Variants in SHCBP1 observed in about 807,000 individuals in gnomAD.
SHCBP1 encodes SHC binding and spindle associated 1, also known as SHC SH2 domain-binding protein 1.
Under a neutral mutation model 75.1 loss-of-function variants are expected in SHCBP1, and 60 were observed. The observed-to-expected ratio is 0.80, with a 90% CI of 0.65 to 0.99. SHCBP1 has a LOEUF of 0.99. SHCBP1 is among the 50% of genes least tolerant of loss of function. SHCBP1 has a pLI of 0.00. For missense variants in SHCBP1, 709 were observed against 809.4 expected (o/e 0.88, Z 1.50); for synonymous variants, 290 against 293.2 (o/e 0.99, Z 0.11).
chr16:46,591,265 AT>A (rs1248386257), intron 10 of SHCBP1, among the ~76,000 whole-genome samples: 4 of 152,222 alleles, frequency 2.6e-5, no homozygotes, highest in African/African-American at 9.7e-5. Context: ...ATGTATACAT[AT>A]GTAACAAACC....
At chr16:46,621,111 T>C (rs1965582273) in intron 1 of SHCBP1, 146 bp downstream of exon 1, 1 of 660,250 alleles carries the variant, frequency 1.5e-6, no homozygotes, top group Non-Finnish European at 2.4e-6. Flanking sequence ...TGAGGTCCCG[T>C]CACTGGGTCC....
At chr16:46,585,039 G>A (rs1344041187) in intron 10 of SHCBP1, among the ~76,000 whole-genome samples, 1 of 152,092 alleles carries the variant, frequency 6.6e-6, no homozygotes, top group Non-Finnish European at 1.5e-5. Context: ...TGTGCTAATT[G>A]TGTCTTCTAA....
At chr16:46,609,318 T>C (rs866333653) in intron 4 of SHCBP1, among the ~76,000 whole-genome samples, 1 of 152,000 alleles carries the variant, frequency 6.6e-6, no homozygotes, top group African/African-American at 2.4e-5. Context: ...CACAGTGAGA[T>C]TCTTTCTCAA....
intron 1 of SHCBP1, chr16:46,620,889 G>C (rs1480419410): frequency 5.2e-6 from 1 of 190,718 alleles, no homozygotes; most frequent in African/African-American, 2.3e-5. Context: ...GGGAAGTGTG[G>C]TTCGTGATCT....
At chr16:46,612,583 T>C (rs1965435541) in intron 4 of SHCBP1, among the ~76,000 whole-genome samples, 2 of 152,142 alleles carry the variant, frequency 1.3e-5, no homozygotes, top group Admixed American at 1.3e-4. Flanking sequence ...GTACTATAAA[T>C]AGATTCATAA....
intron 10 of SHCBP1, among the ~76,000 whole-genome samples, chr16:46,587,248 G>A (rs2142997786): frequency 1.3e-5 from 2 of 152,200 alleles, no homozygotes; most frequent in Middle Eastern, 3.4e-3. Flanking sequence ...AAACTGTTAT[G>A]TACATATAAT....
Position 46,599,898 on chromosome 16 carries a change from G to A in SHCBP1, c.1278C>T (p.Cys426=). 1 of 1,613,550 alleles carries A rather than the reference G, an allele frequency of 6.2e-7. No homozygotes were observed. The highest frequency in any genetic ancestry group is 1.7e-5 in the Admixed American group (1 of 59,888). ...KRGKGDTFVD[C]TGADIKISGI... ...CTGAGATTTTAATATCAGCACCAGTGCAGTCCACAAAAGTGTCGCCTTTGC... is the reference window on the plus strand; with the variant it reads ...CTGAGATTTTAATATCAGCACCAGTACAGTCCACAAAAGTGTCGCCTTTGC... The change falls in exon 9 of 13, where the codon TGC becomes TGT. Residue 426 remains cysteine, a synonymous_variant. Transcript: ENST00000303383.
chr16:46,586,998 C>T (rs1032643445), intron 10 of SHCBP1, among the ~76,000 whole-genome samples: 8 of 151,696 alleles, frequency 5.3e-5, no homozygotes, highest in African/African-American at 1.7e-4. Context: ...GATCCTGGAA[C>T]ATCAAAAAGA....
At chr16:46,600,794 C>T (rs1415900776) in intron 8 of SHCBP1, among the ~76,000 whole-genome samples, 1 of 152,186 alleles carries the variant, frequency 6.6e-6, no homozygotes, top group Non-Finnish European at 1.5e-5. Context: ...AGGTGGATCA[C>T]TTGAGGTCAG....
rs1021504616 is a variant in SHCBP1 at position 46,579,552 on chromosome 16, T to C, written c.*2177A>G. On this transcript the variant is annotated 3_prime_UTR_variant, in exon 13 of 13. Transcript: ENST00000303383. Reference sequence around the variant, plus strand: ...TAGAAATTCAATTGAAAAATCAATGTGATTTGGGAGGCTGAGGTGGGTGGA... The same window carrying C: ...TAGAAATTCAATTGAAAAATCAATGCGATTTGGGAGGCTGAGGTGGGTGGA... Among the ~76,000 whole-genome samples, 1 of 152,106 alleles carries C rather than the reference T, an allele frequency of 6.6e-6. No individual in the cohort carries two copies. The highest frequency in any genetic ancestry group is 6.6e-5 in the Admixed American group (1 of 15,260).
intron 5 of SHCBP1, among the ~76,000 whole-genome samples, chr16:46,606,038 TCTA>T (rs773160891): frequency 3.3e-5 from 5 of 152,150 alleles, no homozygotes; most frequent in Non-Finnish European, 5.9e-5. Context: ...GAAACCATGT[TCTA>T]CTAAGTTGTG....
intron 5 of SHCBP1, 49 bp from the exon 6 acceptor site, chr16:46,604,510 T>C: frequency 7.2e-7 from 1 of 1,382,414 alleles, no homozygotes; most frequent in Non-Finnish European, 1.0e-6. Context: ...AGGCACATTT[T>C]CCTATCATTA....
intron 2 of SHCBP1, 50 bp from the exon 3 acceptor site, chr16:46,617,799 G>A: frequency 7.3e-7 from 1 of 1,373,938 alleles, no homozygotes; most frequent in Non-Finnish European, 1.0e-6. Context: ...AAAGCAGAGG[G>A]AAGTTAATAA....
intron 10 of SHCBP1, among the ~76,000 whole-genome samples, chr16:46,589,400 G>A (rs1428769371): frequency 1.3e-5 from 2 of 152,202 alleles, no homozygotes; most frequent in East Asian, 3.8e-4. Flanking sequence ...GTTTGCAGAT[G>A]ACATGATTGC....
chr16:46,592,951 C>CAAAAAAAAAAAAAAAAA lies in SHCBP1; in HGVS notation c.1464+2584_1464+2600dup. Reference sequence around the variant, plus strand: ...AACATCCACTTATGATAAAAATTCTCAAAAAAAAAAAAAAAAAAAAAAAAA... The same window carrying CAAAAAAAAAAAAAAAAA: ...AACATCCACTTATGATAAAAATTCTCAAAAAAAAAAAAAAAAAAAAAAAAAAAAAAAAAAAAAAAAAA... On this transcript the variant is annotated intron_variant, in intron 10 of 12. Transcript: ENST00000303383. Among the ~76,000 whole-genome samples the CAAAAAAAAAAAAAAAAA allele has an allele frequency of 4.8e-4, 11 of 22,792 alleles. 3 individuals carry two copies. The highest frequency in any genetic ancestry group is 4.1e-4 in the Non-Finnish European group (5 of 12,160). 15.0% of individuals were successfully genotyped at this position (22,792 alleles called of 152,430 possible).
Position 46,595,626 on chromosome 16 carries a change from A to C in SHCBP1, c.1390T>G (p.Cys464Gly). Residue 464 changes from cysteine to glycine, a missense_variant, in exon 10 of 13, where the codon TGT becomes GGT. Cys to Gly is a radical substitution (Grantham distance 159). Transcript: ENST00000303383. ...KTTLENCVLQ[C>G]ETTGVTVRTS... ...CGCACTGTGACTCCGGTCGTCTCAC[A>C]CTGCAGCACACAGTTTTCCAGCGTA... 6.2e-7 allele frequency: 1 copy of C among 1,614,158 alleles called. No individual in the cohort carries two copies. Among genetic ancestry groups the C allele is most frequent in the South Asian group, 1.1e-5 (1 of 91,074 alleles).
chr16:46,608,154 G>T, intron 5 of SHCBP1, 143 bp downstream of exon 5: 1 of 598,194 alleles, frequency 1.7e-6, no homozygotes, highest in Non-Finnish European at 3.0e-6. Context: ...TTCTGTCTAT[G>T]AGATCCTGGA....
chr16:46,597,240 A>G (rs1965158589), intron 9 of SHCBP1, among the ~76,000 whole-genome samples: 1 of 152,026 alleles, frequency 6.6e-6, no homozygotes, highest in Non-Finnish European at 1.5e-5. Flanking sequence ...GTGAAACCCC[A>G]TCTCTAAAAA....
At chr16:46,607,959 C>T (rs1003030586) in intron 5 of SHCBP1, among the ~76,000 whole-genome samples, 1 of 152,114 alleles carries the variant, frequency 6.6e-6, no homozygotes, top group Non-Finnish European at 1.5e-5. Context: ...GCTTCTTAAC[C>T]CACTAGTTCA....
Sources: allele counts gnomAD v4.1 joint callset (sites outside exome capture counted in the v4.1 genomes callset), GRCh38; gene constraint gnomAD v4.1.1; transcripts MANE v1.5; gene names NCBI Gene and HGNC (gene_info 2026-07-23, HGNC 2026-07-21).